Variants in TBCK observed in about 807,000 individuals in gnomAD.
The protein encoded by TBCK is TBC1 domain containing kinase, also known as TBC domain-containing protein kinase-like protein.
Under a neutral mutation model 113.4 loss-of-function variants are expected in TBCK, and 99 were observed. The observed-to-expected ratio is 0.87, with a 90% CI of 0.74 to 1.03. TBCK has a LOEUF of 1.03. Ranked by LOEUF, TBCK falls within the 50% of genes least tolerant of loss-of-function variation. The pLI is 0.00. For synonymous variants in TBCK, 369 were observed against 370.8 expected, an observed-to-expected ratio of 1.00 and a Z score of 0.05; for missense variants, 1,045 against 1,061.3, an observed-to-expected ratio of 0.98 and a Z score of 0.21.
At chr4:106,059,872 C>T (rs926181781) in intron 25 of TBCK, among the ~76,000 whole-genome samples, 1 of 151,776 alleles carries the variant, frequency 6.6e-6, no homozygotes, top group Non-Finnish European at 1.5e-5. Context: ...AAAGGTGCTA[C>T]TCCAGTGAAC....
At chr4:106,278,323 C>T (rs937702257) in intron 3 of TBCK, among the ~76,000 whole-genome samples, 6 of 151,788 alleles carry the variant, frequency 4.0e-5, no homozygotes, top group Admixed American at 2.6e-4. Context: ...TTCGGGAGGC[C>T]GAGGCAGGTG....
intron 22 of TBCK, among the ~76,000 whole-genome samples, chr4:106,184,451 T>C (rs981504023): frequency 1.3e-5 from 2 of 151,990 alleles, no homozygotes. Flanking sequence ...ATAATTAAGA[T>C]AACCCAAGTT....
chr4:106,042,354 A>G lies in TBCK; in HGVS notation c.*4216T>C, dbSNP rs1733916337. On this transcript the variant is annotated 3_prime_UTR_variant, in exon 26 of 26. Transcript: ENST00000394708. The stretch of plus-strand genomic sequence containing the variant: ...GGATTTTATTAAATAAGACTACTGC[A>G]TAAGATTTTTTTTTTTCTTTTTTGA... 2 of 152,018 alleles carry G rather than the reference A, an allele frequency of 1.3e-5. No homozygotes were observed. Among genetic ancestry groups the G allele is most frequent in the Admixed American group, 6.6e-5 (1 of 15,264 alleles). The allele number at this position is 152,018 out of a possible 1,614,324, so 9.4% of individuals were successfully genotyped here. A position where few individuals can be genotyped will look rare whatever the true frequency, so the allele number is the denominator to read the frequency against.
chr4:106,086,975 C>A (rs1739586827), intron 25 of TBCK, among the ~76,000 whole-genome samples: 1 of 152,162 alleles, frequency 6.6e-6, no homozygotes. Flanking sequence ...CAGCCAATTT[C>A]ATATTGAATG....
At position 106,289,439 on chromosome 4, in the gene TBCK, A is replaced by G. The variant is rs147621095; in HGVS notation, c.266+5655T>C. Among the ~76,000 whole-genome samples the G allele has an allele frequency of 2.5e-3, 386 of 152,332 alleles. 1 individual carries two copies. The highest frequency in any genetic ancestry group is 8.7e-3 in the African/African-American group (363 of 41,570). ...AAACAAAGAGCAATAGTAGGTTAAC[A>G]TATTAGTCTATAAAAATATAACAAA... On this transcript the variant is annotated intron_variant, in intron 3 of 25. Coordinates refer to ENST00000394708, the MANE Select transcript of TBCK (RefSeq NM_001163435.3).
intron 23 of TBCK, among the ~76,000 whole-genome samples, chr4:106,158,163 G>A (rs1749341247): frequency 6.6e-6 from 1 of 152,032 alleles, no homozygotes; most frequent in Non-Finnish European, 1.5e-5. Context: ...TAAGAGTCTT[G>A]GTAAACATTT....
intron 23 of TBCK, among the ~76,000 whole-genome samples, chr4:106,139,776 A>G (rs1034958918): frequency 1.4e-5 from 2 of 141,056 alleles, no homozygotes; most frequent in African/African-American, 5.0e-5. Context: ...TTTCTATAAC[A>G]TTAAATTGGT....
chr4:106,175,047 A>C (rs924750390), intron 22 of TBCK, among the ~76,000 whole-genome samples: 7 of 151,756 alleles, frequency 4.6e-5, no homozygotes, highest in Non-Finnish European at 7.4e-5. Context: ...GAATTGCTTG[A>C]ACCTGGGAGG....
At chr4:106,261,090 T>C (rs1245149031) in intron 4 of TBCK, among the ~76,000 whole-genome samples, 1 of 152,062 alleles carries the variant, frequency 6.6e-6, no homozygotes, top group Non-Finnish European at 1.5e-5. Flanking sequence ...ATTTTACATA[T>C]TTTAAGTTTT....
chr4:106,148,979 A>G (rs1748155753), intron 23 of TBCK, among the ~76,000 whole-genome samples: 1 of 152,234 alleles, frequency 6.6e-6, no homozygotes, highest in Non-Finnish European at 1.5e-5. Context: ...TACTTCCTTC[A>G]GCTTCTCCAC....
chr4:106,233,159 T>A, intron 16 of TBCK, 95 bp from the exon 17 acceptor site: 1 of 1,241,226 alleles, frequency 8.1e-7, no homozygotes, highest in Non-Finnish European at 1.1e-6. Flanking sequence ...AAGGAGAAGC[T>A]ATAATATGAA....
At chr4:106,247,532 T>C (rs530956529) in intron 9 of TBCK, 4 of 357,366 alleles carry the variant, frequency 1.1e-5, no homozygotes, top group South Asian at 7.9e-5. Flanking sequence ...TATCATTCCA[T>C]AAAAGCTTCT....
At chr4:106,225,378 G>A (rs1758122927) in intron 19 of TBCK, among the ~76,000 whole-genome samples, 1 of 152,154 alleles carries the variant, frequency 6.6e-6, no homozygotes, top group Non-Finnish European at 1.5e-5. Context: ...AATAATTGTT[G>A]AGAGGTCTTT....
rs779615080 is a variant in TBCK at position 106,112,198 on chromosome 4, C to T, written c.2411+4005G>A. 2.8e-4 allele frequency among the ~76,000 whole-genome samples: 42 copies of T among 152,176 alleles called. No individual in the cohort carries two copies. The Middle Eastern group carries it at 9.5e-3, about 34-fold the overall frequency. On this transcript the variant is annotated intron_variant, in intron 24 of 25. Coordinates refer to ENST00000394708, the MANE Select transcript of TBCK (RefSeq NM_001163435.3). ...TCATTTATTCAGGATGCAGATGATG[C>T]AATCAGTTGCTAGGTTATGACCCTG...
At chr4:106,099,398 T>G (rs1297041588) in intron 24 of TBCK, among the ~76,000 whole-genome samples, 4 of 152,108 alleles carry the variant, frequency 2.6e-5, no homozygotes, top group Admixed American at 1.3e-4. Flanking sequence ...CTACCTTTGT[T>G]TTTTGGCTGT....
chr4:106,308,772 C>T lies in TBCK; in HGVS notation c.189G>A (p.Lys63=), dbSNP rs1306249088. 3.1e-6 allele frequency: 5 copies of T among 1,607,338 alleles called. No homozygotes were observed. Among genetic ancestry groups the T allele is most frequent in the East Asian group, 2.2e-5 (1 of 44,850 alleles). Residue 63 remains lysine (K), a synonymous_variant, in exon 2 of 26, where the codon AAG becomes AAA. Coordinates refer to ENST00000394708, the MANE Select transcript of TBCK (RefSeq NM_001163435.3). ...LCQYVDISRG[K]HERLVVVAEH... ...AAAAAAAAGAAAATAACTTACCATG[C>T]TTTCCCCTAGAAATATCCACATACT...
rs1560572002 is a variant in TBCK, at chr4:106,043,834, T to G, written c.*2736A>C. 6.6e-6 allele frequency: 1 copy of G among 152,064 alleles called. No homozygotes were observed. The highest frequency in any genetic ancestry group is 2.1e-4 in the South Asian group (1 of 4,814). The allele number at this position is 152,064 out of a possible 1,614,324, so 9.4% of individuals were successfully genotyped here. Reference sequence around the variant, plus strand: ...CCAGAAACAGTGCTGATAGTCATCGTGTAGGAATCAATAATACATTAAAAA... The same window carrying G: ...CCAGAAACAGTGCTGATAGTCATCGGGTAGGAATCAATAATACATTAAAAA... On this transcript the variant is annotated 3_prime_UTR_variant, in exon 26 of 26. Transcript: ENST00000394708.
chr4:106,175,453 CTAAG>C (rs1245354623), intron 22 of TBCK, among the ~76,000 whole-genome samples: 2 of 150,982 alleles, frequency 1.3e-5, no homozygotes, highest in African/African-American at 4.9e-5. Flanking sequence ...TAGAAGACTC[CTAAG>C]TAAGATATTT....
intron 25 of TBCK, among the ~76,000 whole-genome samples, chr4:106,095,007 T>C (rs1346062916): frequency 2.6e-5 from 4 of 152,224 alleles, no homozygotes; most frequent in Admixed American, 1.3e-4. Context: ...GCTTAGAACA[T>C]AGCCATGGAA....
Sources: gnomAD v4.1 joint callset for allele counts (sites outside exome capture counted in the v4.1 genomes callset) on GRCh38, gnomAD v4.1.1 for gene constraint, MANE v1.5 for transcripts, NCBI Gene and HGNC (gene_info 2026-07-23, HGNC 2026-07-21) for gene names.